Variants in CACNB4 observed in about 807,000 individuals in gnomAD.
The protein encoded by CACNB4 is calcium voltage-gated channel auxiliary subunit beta 4.
CACNB4 carries 32 observed loss-of-function variants against 71.2 expected under a neutral mutation model. That is an observed-to-expected ratio of 0.45 (90% confidence interval 0.34 to 0.60). The LOEUF is 0.60. Ranked by LOEUF, CACNB4 falls within the 20% of genes least tolerant of loss-of-function variation. CACNB4 has a pLI of 0.01. For synonymous variants in CACNB4, 231 were observed against 236.9 expected (o/e 0.97, Z 0.23); for missense variants, 464 against 647.9 (o/e 0.72, Z 3.08).
intron 2 of CACNB4, among the ~76,000 whole-genome samples, chr2:151,955,357 T>A (rs2099867982): frequency 6.6e-6 from 1 of 152,246 alleles, no homozygotes; most frequent in African/African-American, 2.4e-5. Context: ...ATGTCTTTTT[T>A]AATTCATTCT....
At chr2:152,043,650 G>A (rs1684989141) in intron 2 of CACNB4, among the ~76,000 whole-genome samples, 1 of 152,088 alleles carries the variant, frequency 6.6e-6, no homozygotes, top group South Asian at 2.1e-4. Flanking sequence ...CTTAAAGTGA[G>A]AGGGACTATG....
In CACNB4 at chr2:151,872,427, G is replaced by A. The variant is rs1219114746; in HGVS notation, c.588C>T (p.Pro196=). 1 of 1,584,204 alleles carries A rather than the reference G, an allele frequency of 6.3e-7. No homozygotes were observed. The highest frequency in any genetic ancestry group is 1.1e-5 in the South Asian group (1 of 88,880). ...EMVSGTFRAT[P]TSTAKQKQKV... ...AACTACAACCCTCACCTGTTGATGT[G>A]GGAGTTGCTCGGAATGTCCCAGATA... Residue 196 remains proline, a synonymous_variant, in exon 6 of 14, where the codon CCC becomes CCT. Coordinates refer to ENST00000539935, the MANE Select transcript of CACNB4 (RefSeq NM_000726.5).
chr2:151,971,328 C>T (rs1487345162), intron 2 of CACNB4: 3 of 593,588 alleles, frequency 5.1e-6, no homozygotes, highest in Non-Finnish European at 9.0e-6. Context: ...CAAGTTAACC[C>T]CCACACACCC....
At chr2:152,023,267 C>T (rs1683775566) in intron 2 of CACNB4, among the ~76,000 whole-genome samples, 1 of 152,082 alleles carries the variant, frequency 6.6e-6, no homozygotes, top group Admixed American at 6.6e-5. Context: ...CACCTCCCAC[C>T]AGGCCCTGCC....
In CACNB4 at chr2:151,951,299, A is replaced by C. The variant is rs147031069; in HGVS notation, c.148-67929T>G. On this transcript the variant is annotated intron_variant, in intron 2 of 13. Coordinates refer to ENST00000539935, the MANE Select transcript of CACNB4 (RefSeq NM_000726.5). ...CTGAATTTCTAAAAATTAAAAAAAA[A>C]AACAACTAATAACCAAATGTCACCC... 1.6e-3 allele frequency among the ~76,000 whole-genome samples: 239 copies of C among 152,148 alleles called. 1 individual carries two copies. In the East Asian group the frequency reaches 0.023, roughly 15 times the overall value.
intron 11 of CACNB4, chr2:151,854,164 G>A (rs2099839697): frequency 6.6e-6 from 1 of 152,376 alleles, no homozygotes; most frequent in Admixed American, 6.5e-5. Flanking sequence ...TAATCTATGA[G>A]CTCTATAATA....
chr2:151,876,368 G>C (rs2099846250), intron 5 of CACNB4, 58 bp downstream of exon 5: 5 of 1,506,132 alleles, frequency 3.3e-6, no homozygotes, highest in Non-Finnish European at 4.5e-6. Context: ...ATACACCCTT[G>C]AAAATATCAC....
intron 2 of CACNB4, among the ~76,000 whole-genome samples, chr2:151,915,166 C>A (rs2099857140): frequency 6.6e-6 from 1 of 152,172 alleles, no homozygotes; most frequent in Non-Finnish European, 1.5e-5. Flanking sequence ...TGTCCCTAAG[C>A]CTCTGGCTGA....
intron 10 of CACNB4, among the ~76,000 whole-genome samples, chr2:151,855,996 T>C (rs1028610336): frequency 1.3e-5 from 2 of 150,618 alleles, no homozygotes. Flanking sequence ...AGCTTCAGTA[T>C]TAAAAAAAAA....
intron 2 of CACNB4, among the ~76,000 whole-genome samples, chr2:151,950,409 T>C (rs1399869367): frequency 6.6e-6 from 1 of 152,206 alleles, no homozygotes; most frequent in Non-Finnish European, 1.5e-5. Context: ...GAAAGTCTTC[T>C]GGCAGTTTCA....
intron 5 of CACNB4, among the ~76,000 whole-genome samples, chr2:151,875,832 C>G (rs568590124): frequency 2.2e-5 from 3 of 135,014 alleles, no homozygotes; most frequent in East Asian, 5.2e-4. Flanking sequence ...CGGGGCGTCT[C>G]GCCTGGCGGG....
At chr2:151,983,171 C>A (rs2099875012) in intron 2 of CACNB4, among the ~76,000 whole-genome samples, 1 of 152,178 alleles carries the variant, frequency 6.6e-6, no homozygotes, top group Non-Finnish European at 1.5e-5. Context: ...GATAAATTGC[C>A]AATTTTACAC....
chr2:152,010,315 G>C (rs144351123), intron 2 of CACNB4, among the ~76,000 whole-genome samples: 1 of 152,176 alleles, frequency 6.6e-6, no homozygotes. Flanking sequence ...CATGGCAAGC[G>C]TGTTATTATC....
intron 2 of CACNB4, among the ~76,000 whole-genome samples, chr2:152,076,050 G>A (rs1381337624): frequency 6.6e-6 from 1 of 151,700 alleles, no homozygotes. Flanking sequence ...AGGTCTTTTT[G>A]CAAAGTAGAT....
At chr2:151,840,533 T>C (rs1407028036) in intron 13 of CACNB4, among the ~76,000 whole-genome samples, 1 of 152,172 alleles carries the variant, frequency 6.6e-6, no homozygotes, top group Non-Finnish European at 1.5e-5. Context: ...TCCACACTAG[T>C]CAATAGTAAT....
intron 2 of CACNB4, among the ~76,000 whole-genome samples, chr2:151,929,360 A>AAC (rs1318819137): frequency 2.0e-4 from 31 of 152,352 alleles, no homozygotes; most frequent in African/African-American, 7.5e-4. Context: ...TAAGACTCAT[A>AAC]ACCCTTACTA....
chr2:151,965,809 T>G (rs1560083439), intron 2 of CACNB4, among the ~76,000 whole-genome samples: 1 of 152,016 alleles, frequency 6.6e-6, no homozygotes, highest in Non-Finnish European at 1.5e-5. Context: ...GCACCATGGG[T>G]ATTGGCAAGC....
At chr2:151,875,865 CCCGGACGGGGCGG>C in intron 5 of CACNB4, among the ~76,000 whole-genome samples, 1 of 144,868 alleles carries the variant, frequency 6.9e-6, no homozygotes, top group Non-Finnish European at 1.5e-5. Context: ...CCATCTCCCT[CCCGGACGGGGCGG>C]CTGGCCGGGC....
intron 2 of CACNB4, among the ~76,000 whole-genome samples, chr2:152,081,777 TTAAA>T (rs1168444284): frequency 2.0e-5 from 3 of 152,244 alleles, no homozygotes; most frequent in Admixed American, 6.5e-5. Context: ...AATCTACTTA[TTAAA>T]TAGTTAATGT....
Sources: allele counts gnomAD v4.1 joint callset (sites outside exome capture counted in the v4.1 genomes callset), GRCh38; gene constraint gnomAD v4.1.1; transcripts MANE v1.5; gene names NCBI Gene and HGNC (gene_info 2026-07-23, HGNC 2026-07-21).